The following ZNF618 variants were observed in gnomAD, a reference collection of about 807,000 sequenced individuals.
ZNF618 encodes zinc finger protein 618, also known as neural precursor cell expressed, developmentally down-regulated 10.
In ZNF618, 34 loss-of-function variants were observed where a neutral mutation model predicts 103.0. The observed-to-expected ratio is 0.33, with a 90% CI of 0.25 to 0.44. ZNF618 has a LOEUF of 0.44. ZNF618 is among the 20% of genes least tolerant of loss of function. The pLI is 1.00. For missense variants in ZNF618, 1,059 were observed against 1,295.4 expected, an observed-to-expected ratio of 0.82 and a Z score of 2.80; for synonymous variants, 551 against 542.2, an observed-to-expected ratio of 1.02 and a Z score of -0.23.
At chr9:113,951,519 A>ATATGTGTATACG (rs1215942538) in intron 1 of ZNF618, among the ~76,000 whole-genome samples, 6 of 62,616 alleles carry the variant, frequency 9.6e-5, no homozygotes, top group Non-Finnish European at 1.6e-4. Context: ...ATGTGTGTAT[A>ATATGTGTATACG]TGTACACATA....
intron 13 of ZNF618, among the ~76,000 whole-genome samples, chr9:114,042,961 A>G (rs1296191628): frequency 6.6e-6 from 1 of 152,084 alleles, no homozygotes. Flanking sequence ...CCTTTAGTGG[A>G]TTTTATTATA....
In ZNF618 at chr9:113,876,391, C is replaced by T. The variant is rs1024304147; in HGVS notation, c.11C>T (p.Pro4Leu). ...CTCCCGCACGGACCCATGAACCAGC[C>T]GGGCGGCGCGGCGGCTCCGCAGGTA... MNQ[P>L]GGAAAPQADG... Residue 4 changes from proline to leucine, a missense_variant, in exon 1 of 15, where the codon CCG (proline) becomes CTG (leucine). Around this residue, in one of 6 missense-constraint regions of ZNF618, gnomAD observed 194 missense variants for 209.0 expected, o/e 0.93. Transcript: ENST00000374126. 9 of 1,197,104 alleles carry T rather than the reference C, an allele frequency of 7.5e-6. No individual in the cohort carries two copies. The African/African-American group carries it at 1.3e-4, about 17-fold the overall frequency. The allele number at this position is 1,197,104 out of a possible 1,614,324, so 74.2% of individuals were successfully genotyped here.
intron 1 of ZNF618, among the ~76,000 whole-genome samples, chr9:113,902,712 C>T (rs1007635291): frequency 7.9e-5 from 12 of 152,216 alleles, no homozygotes; most frequent in African/African-American, 2.4e-4. Flanking sequence ...CTATTCACCT[C>T]CGAGCATTTT....
At chr9:113,930,833 T>G (rs1833516359) in intron 1 of ZNF618, among the ~76,000 whole-genome samples, 1 of 152,216 alleles carries the variant, frequency 6.6e-6, no homozygotes, top group Non-Finnish European at 1.5e-5. Context: ...GGCTCAGGAC[T>G]GTGATGATCC....
chr9:113,937,783 C>T (rs1360416863), intron 1 of ZNF618, among the ~76,000 whole-genome samples: 4 of 152,228 alleles, frequency 2.6e-5, no homozygotes, highest in African/African-American at 9.6e-5. Flanking sequence ...TTTGAAATGA[C>T]ACAATCACAG....
At position 114,007,418 on chromosome 9, in the gene ZNF618, C is replaced by A; in HGVS notation, c.619C>A (p.Arg207=). The A allele has an allele frequency of 1.2e-6, 2 of 1,613,648 alleles. No individual in the cohort carries two copies. Among genetic ancestry groups the A allele is most frequent in the Admixed American group, 3.3e-5 (2 of 60,018 alleles). Residue 207 remains arginine (R), a synonymous_variant, in exon 7 of 15, where the codon CGA becomes AGA. Transcript: ENST00000374126. ...YKYYSCFQEH[R]DLHAVDVFSV... is the part of the protein sequence containing the mutation. ...ATACTACAGCTGTTTCCAAGAGCAC[C>A]GAGACCTGCACGCAGTGGATGGTGA...
At chr9:113,988,858 G>A (rs995326000) in intron 3 of ZNF618, among the ~76,000 whole-genome samples, 1 of 152,228 alleles carries the variant, frequency 6.6e-6, no homozygotes, top group Non-Finnish European at 1.5e-5. Context: ...CGGGGGCCCA[G>A]TGAATCCCTT....
At chr9:113,951,599 A>G (rs868177732) in intron 1 of ZNF618, among the ~76,000 whole-genome samples, 2,514 of 92,070 alleles carry the variant, frequency 0.027, 434 homozygotes, top group African/African-American at 0.089. Context: ...GTGTGTGTGT[A>G]TATATATGTA....
At chr9:113,935,665 T>C (rs1833964785) in intron 1 of ZNF618, among the ~76,000 whole-genome samples, 1 of 152,166 alleles carries the variant, frequency 6.6e-6, no homozygotes, top group South Asian at 2.1e-4. Flanking sequence ...CTCTTCTCCT[T>C]CGAGCCCAAT....
At chr9:114,041,826 C>T (rs1225124824) in intron 13 of ZNF618, among the ~76,000 whole-genome samples, 1 of 152,056 alleles carries the variant, frequency 6.6e-6, no homozygotes, top group Non-Finnish European at 1.5e-5. Context: ...TTTTTTGGTT[C>T]TATATAAACT....
intron 1 of ZNF618, among the ~76,000 whole-genome samples, chr9:113,878,378 C>G (rs1378883635): frequency 6.6e-6 from 1 of 152,014 alleles, no homozygotes; most frequent in African/African-American, 2.4e-5. Flanking sequence ...AATCAAAATA[C>G]AAACAAAAGC....
intron 1 of ZNF618, among the ~76,000 whole-genome samples, chr9:113,938,174 T>G (rs963101387): frequency 7.0e-6 from 1 of 143,356 alleles, no homozygotes; most frequent in Non-Finnish European, 1.5e-5. Context: ...TGTTTTTTTT[T>G]TTTTTTTTTT....
intron 10 of ZNF618, 181 bp downstream of exon 10, chr9:114,016,965 T>C (rs1842698240): frequency 5.1e-6 from 3 of 592,338 alleles, no homozygotes; most frequent in Admixed American, 3.1e-5. Flanking sequence ...CCGGCATAGC[T>C]GAGAAGTCCC....
intron 1 of ZNF618, among the ~76,000 whole-genome samples, chr9:113,897,870 T>C (rs1044395534): frequency 6.6e-6 from 1 of 152,154 alleles, no homozygotes; most frequent in Non-Finnish European, 1.5e-5. Context: ...CTCGGCTCAC[T>C]GCAACCTCTG....
At chr9:113,982,644 A>T (rs1839076172) in intron 2 of ZNF618, among the ~76,000 whole-genome samples, 1 of 152,208 alleles carries the variant, frequency 6.6e-6, no homozygotes, top group Non-Finnish European at 1.5e-5. Flanking sequence ...TCACCCCACC[A>T]CAGAGAGAAA....
Position 114,049,009 on chromosome 9 carries a change from C to T in ZNF618, c.1707C>T (p.Tyr569=). Residue 569 remains tyrosine, a synonymous_variant, in exon 15 of 15, where the codon TAC becomes TAT. Coordinates refer to ENST00000374126, the MANE Select transcript of ZNF618 (RefSeq NM_001318042.2). The part of the protein sequence containing the change: ...GPDSCYILTA[Y]QAEGNHIKSY... ...ACTCCTGCTACATCCTCACAGCCTACCAGGCCGAGGGCAACCACATCAAGA... is the reference window on the plus strand; with the variant it reads ...ACTCCTGCTACATCCTCACAGCCTATCAGGCCGAGGGCAACCACATCAAGA... 1 of 1,613,430 alleles carries T rather than the reference C, an allele frequency of 6.2e-7. No individual in the cohort carries two copies. Among genetic ancestry groups the T allele is most frequent in the Non-Finnish European group, 8.5e-7 (1 of 1,179,506 alleles).
chr9:113,930,038 G>A (rs1055282190), intron 1 of ZNF618, among the ~76,000 whole-genome samples: 3 of 152,138 alleles, frequency 2.0e-5, no homozygotes, highest in East Asian at 3.9e-4. Flanking sequence ...GGGCTTTCAC[G>A]TGTTCTGGGA....
chr9:114,016,665 T>G (rs756036082), intron 9 of ZNF618, 30 bp from the exon 10 acceptor site: 1 of 1,598,650 alleles, frequency 6.3e-7, no homozygotes. Flanking sequence ...CAGTTGCACA[T>G]TCTTACACCT....
At chr9:113,981,363 G>A (rs1174803349) in intron 2 of ZNF618, among the ~76,000 whole-genome samples, 1 of 152,180 alleles carries the variant, frequency 6.6e-6, no homozygotes, top group Non-Finnish European at 1.5e-5. Context: ...AGACACACAT[G>A]TCTTGCTGGG....
Sources: gnomAD v4.1 joint callset for allele counts (sites outside exome capture counted in the v4.1 genomes callset) on GRCh38, gnomAD v4.1.1 for gene constraint, gnomAD v4.1.1 regional missense constraint, MANE v1.5 for transcripts, NCBI Gene and HGNC (gene_info 2026-07-23, HGNC 2026-07-21) for gene names.